AP1B1: variants seen among roughly 807,000 people sequenced by gnomAD.
AP1B1 encodes AP-1 complex subunit beta-1.
A neutral mutation model predicts 104.3 loss-of-function variants in AP1B1; 36 were observed. That is an observed-to-expected ratio of 0.35 (90% CI 0.26 to 0.46). AP1B1 has a LOEUF of 0.46. Ranked by LOEUF, AP1B1 falls within the 20% of genes least tolerant of loss-of-function variation. The probability of loss-of-function intolerance (pLI) is 1.00; values close to 1 mark genes in which losing one functional copy is unlikely to be tolerated. For synonymous variants in AP1B1, 504 were observed against 517.5 expected (o/e 0.97, Z 0.35); for missense variants, 901 against 1,247.9 (o/e 0.72, Z 4.19).
chr22:29,362,733 G>C (rs1481948477), intron 3 of AP1B1, among the ~76,000 whole-genome samples: 3 of 152,202 alleles, frequency 2.0e-5, no homozygotes, highest in African/African-American at 7.2e-5. Flanking sequence ...GTTTCTGAGA[G>C]GGTTCATGCC....
chr22:29,329,202 G>A, intron 22 of AP1B1: 2 of 1,232,104 alleles, frequency 1.6e-6, no homozygotes, highest in Non-Finnish European at 2.1e-6. Flanking sequence ...CACCCTGAGG[G>A]CTGCCCGGCC....
chr22:29,353,256 C>T (rs1244030520), intron 7 of AP1B1, among the ~76,000 whole-genome samples: 2 of 152,148 alleles, frequency 1.3e-5, no homozygotes, highest in Non-Finnish European at 1.5e-5. Flanking sequence ...CTCTGTGCTG[C>T]TGTGCACACT....
In AP1B1 at chr22:29,339,034, T is replaced by C. The variant is rs1233069201; in HGVS notation, c.2119A>G (p.Ser707Gly). 13 of 1,614,180 alleles carry C rather than the reference T, an allele frequency of 8.1e-6. No individual in the cohort carries two copies. The highest frequency in any genetic ancestry group is 3.3e-5 in the Admixed American group (2 of 60,030). The change falls in exon 16 of 23, where the codon AGT (serine) becomes GGT (glycine). Residue 707 changes from serine to glycine, a missense_variant. Transcript: ENST00000357586. The stretch of plus-strand genomic sequence containing the variant: ...GATCCTGACAGGGTGCCCACGCCAC[T>C]GGTCAGGTCAAAGAGGTCACTCAGG... ...SGLSDLFDLT[S>G]GVGTLSGSYV...
chr22:29,333,767 A>C (rs572926048), intron 17 of AP1B1, among the ~76,000 whole-genome samples: 1 of 152,288 alleles, frequency 6.6e-6, no homozygotes, highest in South Asian at 2.1e-4. Context: ...CTTGGGGGTA[A>C]AAATCCCACT....
Position 29,341,501 on chromosome 22 carries a change from G to C in AP1B1, c.1796C>G (p.Ser599Trp), listed in dbSNP as rs373375337. The change falls in exon 13 of 23, where the codon TCG (serine) becomes TGG (tryptophan). Residue 599 changes from serine to tryptophan, a missense_variant and splice_region_variant. Ser to Trp is a radical substitution (Grantham distance 177). This residue lies in a region of AP1B1 where 424 missense variants were observed against 494.0 expected (regional missense o/e 0.86). Transcript: ENST00000357586. Reference protein sequence around the residue: ...VHKSLPPRTASSESAESPETA... With the variant: ...VHKSLPPRTAWSESAESPETA... The stretch of plus-strand genomic sequence containing the variant: ...AGGCCGACTGGCCAGTCTCACTCAC[G>C]AGGCCGTGCGAGGTGGCAGGCTCTT... 1.1e-5 allele frequency: 17 copies of C among 1,610,756 alleles called. No individual in the cohort carries two copies. Among genetic ancestry groups the C allele is most frequent in the Non-Finnish European group, 1.4e-5 (17 of 1,177,478 alleles).
intron 17 of AP1B1, 124 bp downstream of exon 17, chr22:29,334,141 G>A (rs1448857962): frequency 1.8e-6 from 2 of 1,099,562 alleles, no homozygotes; most frequent in African/African-American, 3.2e-5. Flanking sequence ...ACATCCTTCA[G>A]AAAAGGGGCA....
In AP1B1 at chr22:29,329,384, A is replaced by G. The variant is rs1412169843; in HGVS notation, c.2775+328T>C. On this transcript the variant is annotated intron_variant, in intron 22 of 22. Coordinates refer to ENST00000357586, the MANE Select transcript of AP1B1 (RefSeq NM_001127.4). ...GCCTCCGCTCTGGGGCCTGAGCTTG[A>G]GATCACAGGCAGAGGAGAGAGGAGC... 4.8e-6 allele frequency: 6 copies of G among 1,245,428 alleles called. No homozygotes were observed. The South Asian group carries it at 1.2e-4, about 26-fold the overall frequency. 77.1% of individuals were successfully genotyped at this position (1,245,428 alleles called of 1,614,324 possible). A position where few individuals can be genotyped will look rare whatever the true frequency, so the allele number is the denominator to read the frequency against.
intron 17 of AP1B1, chr22:29,332,141 GC>G: frequency 4.2e-6 from 2 of 475,810 alleles, no homozygotes; most frequent in Admixed American, 3.6e-5. Flanking sequence ...GCTCTGCTCT[GC>G]CCCAGCCTGG....
At chr22:29,332,060 C>G (rs2061569921) in intron 17 of AP1B1, 144 bp from the exon 18 acceptor site, 1 of 816,840 alleles carries the variant, frequency 1.2e-6, no homozygotes, top group Admixed American at 3.0e-5. Context: ...GGACCCTGGA[C>G]AGAAGGATGG....
At chr22:29,334,177 C>A in intron 17 of AP1B1, 88 bp downstream of exon 17, 1 of 1,390,824 alleles carries the variant, frequency 7.2e-7, no homozygotes, top group Non-Finnish European at 9.6e-7. Flanking sequence ...CAGCCCCCAC[C>A]CCTGCCTGCA....
chr22:29,349,036 C>A (rs2061833176), intron 11 of AP1B1, among the ~76,000 whole-genome samples, 182 bp downstream of exon 11: 1 of 152,238 alleles, frequency 6.6e-6, no homozygotes, highest in African/African-American at 2.4e-5. Flanking sequence ...TCTCACGTGT[C>A]CCCGACTCGA....
chr22:29,378,676 G>A (rs1275999333), intron 1 of AP1B1, among the ~76,000 whole-genome samples: 1 of 151,066 alleles, frequency 6.6e-6, no homozygotes, highest in African/African-American at 2.4e-5. Flanking sequence ...TGGCTAACAC[G>A]GTGAAACCCC....
intron 1 of AP1B1, among the ~76,000 whole-genome samples, chr22:29,377,789 TG>T (rs2062369840): frequency 6.8e-6 from 1 of 147,698 alleles, no homozygotes; most frequent in Admixed American, 6.8e-5. Context: ...CCAGCCTGGG[TG>T]ACAGTGCGAG....
chr22:29,347,727 G>C (rs2061814119), intron 11 of AP1B1, among the ~76,000 whole-genome samples: 1 of 152,208 alleles, frequency 6.6e-6, no homozygotes, highest in Non-Finnish European at 1.5e-5. Context: ...AAACAAAGCA[G>C]AAGTAAGGAG....
chr22:29,351,186 G>A lies in AP1B1; in HGVS notation c.1140C>T (p.Cys380=), dbSNP rs773315488. The change falls in exon 9 of 23, where the codon TGC becomes TGT. Residue 380 remains cysteine (C), a synonymous_variant. Transcript: ENST00000357586. ...VRKAVRAIGR[C]AIKVEQSAER... ...AGAGCCTCACCTCCACCTTGATGGCGCAGCGGCCAATAGCACGCACAGCCT... is the reference window on the plus strand; with the variant it reads ...AGAGCCTCACCTCCACCTTGATGGCACAGCGGCCAATAGCACGCACAGCCT... 3.3e-5 allele frequency: 54 copies of A among 1,612,164 alleles called. No homozygotes were observed. The highest frequency in any genetic ancestry group is 4.5e-5 in the East Asian group (2 of 44,822).
intron 1 of AP1B1, among the ~76,000 whole-genome samples, chr22:29,372,150 T>C (rs1196493265): frequency 6.6e-6 from 1 of 152,074 alleles, no homozygotes; most frequent in Non-Finnish European, 1.5e-5. Flanking sequence ...AGGCTGGGCA[T>C]GGTGGCTCAC....
intron 3 of AP1B1, among the ~76,000 whole-genome samples, chr22:29,362,791 C>A (rs190256506): frequency 6.6e-6 from 1 of 152,312 alleles, no homozygotes; most frequent in African/African-American, 2.4e-5. Flanking sequence ...CCAGTTAACT[C>A]ACTCCATAAC....
intron 1 of AP1B1, among the ~76,000 whole-genome samples, chr22:29,374,255 G>C: frequency 7.2e-6 from 1 of 138,164 alleles, no homozygotes; most frequent in East Asian, 2.2e-4. Flanking sequence ...ATCTGGAGAA[G>C]AAAGGAAGAA....
At chr22:29,377,267 G>C (rs2062360818) in intron 1 of AP1B1, among the ~76,000 whole-genome samples, 1 of 151,328 alleles carries the variant, frequency 6.6e-6, no homozygotes, top group South Asian at 2.1e-4. Context: ...TTTACAGACA[G>C]GGAAACAGGT....
Sources: gnomAD v4.1 joint callset for allele counts (sites outside exome capture counted in the v4.1 genomes callset) on GRCh38, gnomAD v4.1.1 for gene constraint, gnomAD v4.1.1 regional missense constraint, MANE v1.5 for transcripts, NCBI Gene and HGNC (gene_info 2026-07-23, HGNC 2026-07-21) for gene names.